GLB1: variants seen among roughly 807,000 people sequenced by gnomAD.
GLB1 encodes beta-galactosidase.
Under a neutral mutation model 74.0 loss-of-function variants are expected in GLB1, and 56 were observed. That is an observed-to-expected ratio of 0.76 (90% CI 0.61 to 0.94). The LOEUF is 0.94. Ranked by LOEUF, GLB1 falls within the 40% of genes least tolerant of loss-of-function variation. The pLI, the probability that GLB1 is intolerant of heterozygous loss-of-function variation, is 0.00. For synonymous variants in GLB1, 323 were observed against 323.6 expected, an observed-to-expected ratio of 1.00 and a Z score of 0.02; for missense variants, 787 against 845.5, an observed-to-expected ratio of 0.93 and a Z score of 0.86.
the GLB1 span, among the ~76,000 whole-genome samples, chr3:32,985,581 T>C: frequency 6.6e-5 from 10 of 152,142 alleles, no homozygotes; most frequent in Admixed American, 3.3e-4. Flanking sequence ...TGTTAGCTAC[T>C]ATGCCCGGCC....
rs775399983 is a variant in GLB1 at position 33,014,128 on chromosome 3, C to T, written c.1662G>A (p.Gly554=). 3 of 1,614,162 alleles carry T rather than the reference C, an allele frequency of 1.9e-6. No individual in the cohort carries two copies. Among genetic ancestry groups the T allele is most frequent in the Admixed American group, 3.3e-5 (2 of 60,018 alleles). ...SNYTLPAFYM[G]NFSIPSGIPD... is the part of the protein sequence containing the mutation. ...GGATCCCACTGGGAATGGAGAAGTT[C>T]CCCATATAAAAGGCCGGGAGCGTGT... is the stretch of plus-strand genomic sequence containing the variant. Residue 554 remains glycine (G), a synonymous_variant, in exon 15 of 16, where the codon GGG becomes GGA. Coordinates refer to ENST00000307363, the MANE Select transcript of GLB1 (RefSeq NM_000404.4).
intron 9 of GLB1, 39 bp downstream of exon 9, chr3:33,051,719 T>C: frequency 1.2e-6 from 2 of 1,613,882 alleles, no homozygotes; most frequent in Non-Finnish European, 1.7e-6. Flanking sequence ...AACAGAAACA[T>C]TCTAGCATAA....
chr3:33,034,519 G>A, intron 10 of GLB1: 1 of 733,730 alleles, frequency 1.4e-6, no homozygotes, highest in Admixed American at 1.8e-5. Context: ...CCATCAGCCT[G>A]CCCACCAGCA....
chr3:33,060,926 T>C (rs1699416669), intron 5 of GLB1, among the ~76,000 whole-genome samples: 1 of 151,966 alleles, frequency 6.6e-6, no homozygotes, highest in African/African-American at 2.4e-5. Context: ...ATCTAGTAAG[T>C]GCTCAAAATG....
At chr3:33,024,158 C>A in intron 11 of GLB1, 93 bp downstream of exon 11, 1 of 1,385,126 alleles carries the variant, frequency 7.2e-7, no homozygotes, top group African/African-American at 1.4e-5. Flanking sequence ...CGAACCAATT[C>A]CTCCAGCACA....
At position 33,052,060 on chromosome 3, in the gene GLB1, G is replaced by C. The variant is rs1318870909; in HGVS notation, c.793-56C>G. The stretch of plus-strand genomic sequence containing the variant: ...ATAGACTTATGACCTTCCAATGCCA[G>C]GGCTTCCCTGCAATGCCCCATCTAT... On this transcript the variant is annotated intron_variant, in intron 7 of 15. Transcript: ENST00000307363. 3 of 1,605,208 alleles carry C rather than the reference G, an allele frequency of 1.9e-6. No homozygotes were observed. In the Admixed American group the frequency reaches 5.0e-5, roughly 27 times the overall value.
At chr3:32,966,893 C>T in the GLB1 span, among the ~76,000 whole-genome samples, 1 of 152,202 alleles carries the variant, frequency 6.6e-6, no homozygotes, top group Non-Finnish European at 1.5e-5. Flanking sequence ...CTTTGCTCCT[C>T]CTTGCCTCCT....
At chr3:33,090,661 A>C (rs1330286865) in intron 1 of GLB1, 2 of 985,364 alleles carry the variant, frequency 2.0e-6, no homozygotes, top group Admixed American at 6.1e-5. Context: ...AAAGGGACTA[A>C]AGGTGTCATG....
chr3:33,089,984 A>C (rs1700679651), intron 1 of GLB1, among the ~76,000 whole-genome samples: 1 of 152,226 alleles, frequency 6.6e-6, no homozygotes, highest in Non-Finnish European at 1.5e-5. Flanking sequence ...AAAACTAAAC[A>C]CTAACTCTTC....
intron 9 of GLB1, among the ~76,000 whole-genome samples, chr3:33,047,125 A>C (rs747612744): frequency 1.3e-5 from 2 of 152,198 alleles, no homozygotes; most frequent in Non-Finnish European, 2.9e-5. Context: ...CAGAGAGCAC[A>C]ATCAATAAGC....
intron 5 of GLB1, among the ~76,000 whole-genome samples, chr3:33,058,600 T>C (rs1171373850): frequency 6.6e-6 from 1 of 152,106 alleles, no homozygotes. Flanking sequence ...CTTCCCATGG[T>C]AGAAATGCTA....
chr3:33,045,536 A>G, intron 10 of GLB1: 1 of 989,110 alleles, frequency 1.0e-6, no homozygotes, highest in Non-Finnish European at 1.2e-6. Context: ...ATAAGGACGG[A>G]GTTATTTTCT....
intron 1 of GLB1, among the ~76,000 whole-genome samples, chr3:33,088,467 T>C (rs1004510969): frequency 1.3e-5 from 2 of 150,664 alleles, no homozygotes; most frequent in African/African-American, 2.5e-5. Flanking sequence ...AAAAGCAACA[T>C]ACCAAAATCA....
chr3:32,962,240 A>T, the GLB1 span, among the ~76,000 whole-genome samples: 2 of 152,072 alleles, frequency 1.3e-5, no homozygotes, highest in East Asian at 3.8e-4. Flanking sequence ...AGGGGAGCCT[A>T]AGGAGACAAC....
intron 1 of GLB1, chr3:33,090,980 T>C (rs1559421311): frequency 6.1e-6 from 6 of 984,488 alleles, no homozygotes; most frequent in Non-Finnish European, 7.2e-6. Flanking sequence ...AGGTCACTGA[T>C]GAGAAAGATG....
In GLB1 at chr3:33,058,110, T is replaced by C. The variant is rs750237687; in HGVS notation, c.712A>G (p.Thr238Ala). ...LKCGALQGLY[T>A]TVDFGTGSNI... ...CAACCTGTTCCAAAGTCCACCGTGG[T>C]GTAGAGGCCCTGCAGGGCCCCACAT... The change falls in exon 6 of 16, where the codon ACC becomes GCC. Residue 238 changes from threonine (T) to alanine (A), a missense_variant. Physicochemically the swap from Thr to Ala is moderately conservative, Grantham distance 58. Transcript: ENST00000307363. 4.3e-6 allele frequency: 7 copies of C among 1,613,990 alleles called. No individual in the cohort carries two copies. The highest frequency in any genetic ancestry group is 1.1e-5 in the South Asian group (1 of 91,070).
chr3:33,014,336 G>T (rs1221302140), intron 14 of GLB1, 26 bp from the exon 15 acceptor site: 5 of 1,611,412 alleles, frequency 3.1e-6, no homozygotes, highest in South Asian at 1.1e-5. Context: ...AGAGCACAGT[G>T]AGCTGGGGAG....
chr3:33,081,721 CACA>C (rs1283493370), intron 1 of GLB1, among the ~76,000 whole-genome samples: 7 of 152,198 alleles, frequency 4.6e-5, no homozygotes, highest in Non-Finnish European at 1.0e-4. Context: ...GCACAATTAC[CACA>C]ACAACCAGCA....
At chr3:33,006,323 G>T (rs35847345) in intron 15 of GLB1, among the ~76,000 whole-genome samples, 1,539 of 152,288 alleles carry the variant, frequency 0.01, 22 homozygotes, top group Non-Finnish European at 0.016. Flanking sequence ...ATTGTGAACT[G>T]CGCACGCGAG....
Sources: gnomAD v4.1 joint callset for allele counts (sites outside exome capture counted in the v4.1 genomes callset) on GRCh38, gnomAD v4.1.1 for gene constraint, MANE v1.5 for transcripts, NCBI Gene and HGNC (gene_info 2026-07-23, HGNC 2026-07-21) for gene names.